The following NCKAP1 variants were observed in gnomAD, a reference collection of about 807,000 sequenced individuals.
NCKAP1 encodes the protein NCK associated protein 1.
In NCKAP1, 21 loss-of-function variants were observed where a neutral mutation model predicts 151.2. That is an observed-to-expected ratio of 0.14 (90% CI 0.10 to 0.20). The LOEUF is 0.20. Ranked by LOEUF, NCKAP1 falls within the 10% of genes least tolerant of loss-of-function variation. NCKAP1 has a pLI of 1.00. For missense variants in NCKAP1, 933 were observed against 1,352.1 expected (o/e 0.69, Z 4.86); for synonymous variants, 484 against 451.8 (o/e 1.07, Z -0.90).
chr2:182,958,831 G>C (rs1327904854), intron 18 of NCKAP1, among the ~76,000 whole-genome samples: 1 of 152,198 alleles, frequency 6.6e-6, no homozygotes, highest in African/African-American at 2.4e-5. Context: ...GAGCTTCACT[G>C]TACATTACAG....
At chr2:182,956,125 G>C (rs1697321735) in intron 20 of NCKAP1, among the ~76,000 whole-genome samples, 1 of 152,098 alleles carries the variant, frequency 6.6e-6, no homozygotes, top group East Asian at 1.9e-4. Flanking sequence ...CACTGCAAGT[G>C]TGTCTCCCGG....
intron 1 of NCKAP1, 93 bp downstream of exon 1, chr2:183,037,899 C>CA: frequency 2.1e-6 from 2 of 939,282 alleles, no homozygotes; most frequent in Non-Finnish European, 3.0e-6. Context: ...CTACACCCGG[C>CA]GCCTCCTGCC....
chr2:182,989,285 T>G, intron 8 of NCKAP1, 99 bp from the exon 9 acceptor site: 1 of 884,580 alleles, frequency 1.1e-6, no homozygotes, highest in Non-Finnish European at 1.7e-6. Context: ...GTAACCACGA[T>G]CACTAAATTG....
rs748743125 is a variant in NCKAP1 at position 182,964,810 on chromosome 2, T to TA, written c.1629-3dup. 4.2e-5 allele frequency: 66 copies of TA among 1,586,018 alleles called. 1 individual carries two copies. The South Asian group carries it at 4.5e-4, about 11-fold the overall frequency. ...TTCTCAAAAGCACGACTATAAAAAC[T>TA]ATATAAACAAAAATCAGAATCACAA... On this transcript the variant is annotated splice_region_variant and splice_polypyrimidine_tract_variant and intron_variant, in intron 16 of 30. Coordinates refer to ENST00000361354, the MANE Select transcript of NCKAP1 (RefSeq NM_013436.5).
At chr2:183,027,614 G>A (rs115943695) in intron 1 of NCKAP1, among the ~76,000 whole-genome samples, 135 of 152,180 alleles carry the variant, frequency 8.9e-4, no homozygotes, top group African/African-American at 3.1e-3. Flanking sequence ...TGGCACTTTG[G>A]GAGGCTCAGG....
At chr2:183,024,516 T>C (rs1246410910) in intron 1 of NCKAP1, among the ~76,000 whole-genome samples, 4 of 152,320 alleles carry the variant, frequency 2.6e-5, no homozygotes, top group African/African-American at 4.8e-5. Flanking sequence ...ATCTGTTCTA[T>C]ATATCATAAG....
intron 1 of NCKAP1, among the ~76,000 whole-genome samples, chr2:183,036,423 T>C (rs534912192): frequency 6.6e-6 from 1 of 152,340 alleles, no homozygotes; most frequent in South Asian, 2.1e-4. Flanking sequence ...ACAAAATTCA[T>C]ATAGGAATCA....
chr2:182,989,274 C>A, intron 8 of NCKAP1, 88 bp from the exon 9 acceptor site: 1 of 1,009,634 alleles, frequency 9.9e-7, no homozygotes, highest in African/African-American at 1.6e-5. Context: ...AATACAGAAA[C>A]GTAACCACGA....
intron 6 of NCKAP1, among the ~76,000 whole-genome samples, chr2:182,999,976 C>A (rs1401169006): frequency 6.6e-6 from 1 of 152,040 alleles, no homozygotes; most frequent in Non-Finnish European, 1.5e-5. Context: ...CACAAAGAAA[C>A]AACAGACACT....
In NCKAP1 at chr2:182,924,206, C is replaced by T. The variant is rs575079384; in HGVS notation, c.*1496G>A. 10 of 152,232 alleles carry T rather than the reference C, an allele frequency of 6.6e-5. No homozygotes were observed. Among genetic ancestry groups the T allele is most frequent in the African/African-American group, 2.4e-4 (10 of 41,554 alleles). The allele number at this position is 152,232 out of a possible 1,614,324, so 9.4% of individuals were successfully genotyped here. ...AACTACTCCCTACTTTAAATATAGG[C>T]TGGACAAATCATACACAAAATAATA... On this transcript the variant is annotated 3_prime_UTR_variant, in exon 31 of 31. Coordinates refer to ENST00000361354, the MANE Select transcript of NCKAP1 (RefSeq NM_013436.5).
At chr2:182,947,837 A>G (rs1288875803) in intron 23 of NCKAP1, among the ~76,000 whole-genome samples, 1 of 152,170 alleles carries the variant, frequency 6.6e-6, no homozygotes, top group African/African-American at 2.4e-5. Flanking sequence ...GAATTTATCT[A>G]TATGAAACAT....
Position 182,925,116 on chromosome 2 carries a change from T to C in NCKAP1, c.*586A>G, listed in dbSNP as rs1427695551. On this transcript the variant is annotated 3_prime_UTR_variant, in exon 31 of 31. Coordinates refer to ENST00000361354, the MANE Select transcript of NCKAP1 (RefSeq NM_013436.5). ...GCTTTATACAAGCAACAACATATGCTGCTGCTCTTAGAATTTTGGGAAATG... is the reference window on the plus strand; with the variant it reads ...GCTTTATACAAGCAACAACATATGCCGCTGCTCTTAGAATTTTGGGAAATG... 6.6e-6 allele frequency: 1 copy of C among 152,204 alleles called. No homozygotes were observed. The highest frequency in any genetic ancestry group is 1.9e-4 in the East Asian group (1 of 5,206). 9.4% of individuals were successfully genotyped at this position (152,204 alleles called of 1,614,324 possible).
chr2:182,992,567 C>T (rs1183180256), intron 8 of NCKAP1, among the ~76,000 whole-genome samples: 2 of 152,096 alleles, frequency 1.3e-5, no homozygotes, highest in African/African-American at 2.4e-5. Flanking sequence ...ACCACACAAC[C>T]GAGCAAGATC....
At chr2:183,028,743 A>AT (rs1698947195) in intron 1 of NCKAP1, among the ~76,000 whole-genome samples, 7 of 152,102 alleles carry the variant, frequency 4.6e-5, no homozygotes, top group Admixed American at 4.6e-4. Flanking sequence ...AGTTCCAAAT[A>AT]TTTTTTTAAA....
chr2:182,944,315 G>C (rs1234127237), intron 23 of NCKAP1, among the ~76,000 whole-genome samples: 1 of 152,008 alleles, frequency 6.6e-6, no homozygotes, highest in African/African-American at 2.4e-5. Context: ...AATTTAGTTG[G>C]TATTGTGTTA....
chr2:182,981,364 T>C lies in NCKAP1; in HGVS notation c.1221A>G (p.Glu407=). 6.2e-7 allele frequency: 1 copy of C among 1,610,296 alleles called. No homozygotes were observed. Among genetic ancestry groups the C allele is most frequent in the East Asian group, 2.2e-5 (1 of 44,824 alleles). ...ADDFIDKHIA[E]LIFYMEELRA... is the part of the protein sequence containing the mutation. Reference sequence around the variant, plus strand: ...TAAGTTCTTCCATGTAAAATATTAATTCAGCAATGTGCCTTTTTTAAAATT... The same window carrying C: ...TAAGTTCTTCCATGTAAAATATTAACTCAGCAATGTGCCTTTTTTAAAATT... The change falls in exon 13 of 31, where the codon GAA becomes GAG. Residue 407 remains glutamate (E), a synonymous_variant. Transcript: ENST00000361354.
intron 2 of NCKAP1, among the ~76,000 whole-genome samples, chr2:183,018,949 C>A (rs1331701541): frequency 6.6e-6 from 1 of 152,094 alleles, no homozygotes; most frequent in African/African-American, 2.4e-5. Context: ...TAAGCTACTT[C>A]AATAAAAAAT....
At chr2:183,005,211 T>C (rs1402845944) in intron 2 of NCKAP1, among the ~76,000 whole-genome samples, 1 of 152,192 alleles carries the variant, frequency 6.6e-6, no homozygotes, top group African/African-American at 2.4e-5. Flanking sequence ...GAAAGTACAT[T>C]CATAATAGTA....
intron 17 of NCKAP1, 87 bp from the exon 18 acceptor site, chr2:182,962,365 G>A (rs928632133): frequency 5.4e-6 from 7 of 1,306,294 alleles, no homozygotes; most frequent in Non-Finnish European, 7.2e-6. Context: ...TGGAAAATTA[G>A]GCTAAAGGTA....
Sources: gnomAD v4.1 joint callset for allele counts (sites outside exome capture counted in the v4.1 genomes callset) on GRCh38, gnomAD v4.1.1 for gene constraint, MANE v1.5 for transcripts, NCBI Gene and HGNC (gene_info 2026-07-23, HGNC 2026-07-21) for gene names.